Variants in RPH3AL observed in about 807,000 individuals in gnomAD.
RPH3AL encodes the protein rab effector Noc2.
Under a neutral mutation model 43.1 loss-of-function variants are expected in RPH3AL, and 38 were observed. That is an observed-to-expected ratio of 0.88 (90% CI 0.68 to 1.15). The LOEUF (loss-of-function observed/expected upper bound fraction) is 1.15. Ranked by LOEUF, RPH3AL falls within the 50% of genes most tolerant of loss-of-function variation. The probability of loss-of-function intolerance (pLI) is 0.00; values close to 1 mark genes in which losing one functional copy is unlikely to be tolerated. For synonymous variants in RPH3AL, 189 were observed against 176.3 expected (o/e 1.07, Z -0.57); for missense variants, 462 against 423.2 (o/e 1.09, Z -0.81).
rs2042267342 is a variant in RPH3AL at position 264,264 on chromosome 17, AC to A, written c.439-16980del. Among the ~76,000 whole-genome samples, 1 of 150,826 alleles carries A rather than the reference AC, an allele frequency of 6.6e-6. No homozygotes were observed. The highest frequency in any genetic ancestry group is 2.5e-5 in the African/African-American group (1 of 40,500). ...CAAAGTTCTGGCTGACAGCAGGATT[AC>A]CCTTCGGAGCCGCGAGCGCTGGATG... On this transcript the variant is annotated intron_variant, in intron 6 of 9. Transcript: ENST00000331302. This position sits in a 1 kb window ranked among gnomAD's most constrained non-coding sequence, Gnocchi z 4.8.
chr17:268,600 G>A (rs1283098335), intron 6 of RPH3AL, among the ~76,000 whole-genome samples: 1 of 104,216 alleles, frequency 9.6e-6, no homozygotes, highest in Non-Finnish European at 1.7e-5. Flanking sequence ...TCACGCTGTT[G>A]CCCAGGCTGA....
intron 5 of RPH3AL, among the ~76,000 whole-genome samples, chr17:307,226 G>A (rs1197900858): frequency 1.5e-4 from 4 of 25,820 alleles, no homozygotes; most frequent in Non-Finnish European, 2.1e-4. Context: ...CCCACGGCAG[G>A]TCCATCCCAC....
At chr17:280,048 A>G (rs146515458) in intron 6 of RPH3AL, among the ~76,000 whole-genome samples, 2 of 152,380 alleles carry the variant, frequency 1.3e-5, no homozygotes, top group African/African-American at 4.8e-5. Flanking sequence ...CGGAAGTGAT[A>G]GAGGAAAATA....
At position 333,010 on chromosome 17, in the gene RPH3AL, A is replaced by G. The variant is rs1386152267; in HGVS notation, c.-37+749T>C. The G allele has an allele frequency of 7.8e-7, 1 of 1,286,984 alleles. No individual in the cohort carries two copies. The highest frequency in any genetic ancestry group is 1.2e-5 in the South Asian group (1 of 80,978). 79.7% of individuals were successfully genotyped at this position (1,286,984 alleles called of 1,614,324 possible). A position where few individuals can be genotyped will look rare whatever the true frequency, so the allele number is the denominator to read the frequency against. The stretch of plus-strand genomic sequence containing the variant: ...TAGGGGACAGAGGCTCATCAGCCCC[A>G]GGCAACTTCCTGAGACAGATCGGTA... On this transcript the variant is annotated intron_variant, in intron 2 of 9. Transcript: ENST00000331302. The surrounding 1 kb of genome is among the most constrained non-coding windows in gnomAD (Gnocchi z 4.5).
At position 297,123 on chromosome 17, in the gene RPH3AL, C is replaced by T. The variant is rs996986211; in HGVS notation, c.352-15269G>A. On this transcript the variant is annotated intron_variant, in intron 5 of 9. Coordinates refer to ENST00000331302, the MANE Select transcript of RPH3AL (RefSeq NM_006987.4). ...AAGACTCCACAAAAACCCAAGACGT[C>T]GGGGCTTGGGGCGATTCCAGATATA... is the stretch of plus-strand genomic sequence containing the variant. Among the ~76,000 whole-genome samples, 14 of 152,280 alleles carry T rather than the reference C, an allele frequency of 9.2e-5. No homozygotes were observed. The Middle Eastern group carries it at 0.017, about 185-fold the overall frequency.
chr17:327,389 A>G (rs535849961), intron 3 of RPH3AL, 78 bp downstream of exon 3: 74 of 1,291,158 alleles, frequency 5.7e-5, no homozygotes. Context: ...GGCCCCTGGG[A>G]ATGAATCTTG....
At chr17:280,010 G>A (rs1423859506) in intron 6 of RPH3AL, among the ~76,000 whole-genome samples, 1 of 152,230 alleles carries the variant, frequency 6.6e-6, no homozygotes, top group Non-Finnish European at 1.5e-5. Context: ...GTGAGGCCCT[G>A]CCTGCAGCTT....
chr17:237,092 T>G lies in RPH3AL; in HGVS notation c.613+10019A>C, dbSNP rs1188046106. Among the ~76,000 whole-genome samples the G allele has an allele frequency of 2.6e-5, 4 of 151,904 alleles. No individual in the cohort carries two copies. The East Asian group carries it at 7.7e-4, about 29-fold the overall frequency. On this transcript the variant is annotated intron_variant, in intron 7 of 9. Coordinates refer to ENST00000331302, the MANE Select transcript of RPH3AL (RefSeq NM_006987.4). ...GACTCAGCTCTTCCCGGAAGACAGG[T>G]AGAGGGCGTGGGGTGGGGGCGGCAG... is the stretch of plus-strand genomic sequence containing the variant.
intron 1 of RPH3AL, among the ~76,000 whole-genome samples, chr17:343,501 C>T (rs551239968): frequency 2.6e-5 from 4 of 152,294 alleles, no homozygotes; most frequent in South Asian, 4.1e-4. Context: ...GGCTCAGGGT[C>T]GCGTATCTGA....
intron 8 of RPH3AL, among the ~76,000 whole-genome samples, chr17:217,375 GA>G (rs144110780): frequency 0.043 from 2,932 of 67,662 alleles, 481 homozygotes; most frequent in South Asian, 0.18. Flanking sequence ...CTGAAATCAG[GA>G]CCCCCAAGGC....
intron 6 of RPH3AL, among the ~76,000 whole-genome samples, chr17:253,773 AGCCGCACGGC>A: frequency 8.8e-6 from 1 of 113,454 alleles, no homozygotes; most frequent in Non-Finnish European, 1.9e-5. Flanking sequence ...CTATGAGGGG[AGCCGCACGGC>A]GTCTGTCCTT....
chr17:273,901 T>C (rs965287289), intron 6 of RPH3AL, among the ~76,000 whole-genome samples: 1 of 152,164 alleles, frequency 6.6e-6, no homozygotes, highest in African/African-American at 2.4e-5. Context: ...AAAATTGGTC[T>C]TCTTCACCCC....
intron 1 of RPH3AL, among the ~76,000 whole-genome samples, chr17:351,090 C>T (rs1327838529): frequency 6.6e-6 from 1 of 152,176 alleles, no homozygotes; most frequent in Non-Finnish European, 1.5e-5. Flanking sequence ...CCCACGGCCT[C>T]CCCACAGAGG....
chr17:226,806 T>A (rs188019030), intron 7 of RPH3AL, among the ~76,000 whole-genome samples: 19 of 152,332 alleles, frequency 1.2e-4, no homozygotes, highest in Admixed American at 5.2e-4. Context: ...CCAGGTCTAT[T>A]CACAAAGATT....
Position 333,461 on chromosome 17 carries a change from T to G in RPH3AL, c.-37+298A>C, listed in dbSNP as rs1347848026. ...CTTACTGCATACGCTGCTTGCTGGT[T>G]TCTAAATAAAATTGGGTTCTTACTA... On this transcript the variant is annotated intron_variant, in intron 2 of 9. Transcript: ENST00000331302. This position sits in a 1 kb window ranked among gnomAD's most constrained non-coding sequence, Gnocchi z 4.5. 2 of 440,590 alleles carry G rather than the reference T, an allele frequency of 4.5e-6. No homozygotes were observed. Among genetic ancestry groups the G allele is most frequent in the East Asian group, 1.5e-4 (2 of 13,766 alleles). The allele number at this position is 440,590 out of a possible 1,614,324, so 27.3% of individuals were successfully genotyped here.
chr17:220,169 A>G (rs1298842299), intron 7 of RPH3AL, among the ~76,000 whole-genome samples: 1 of 152,062 alleles, frequency 6.6e-6, no homozygotes, highest in Non-Finnish European at 1.5e-5. Flanking sequence ...TCACTGAGAC[A>G]ATAGACCCAA....
At chr17:220,094 A>G (rs994368850) in intron 7 of RPH3AL, among the ~76,000 whole-genome samples, 2 of 152,222 alleles carry the variant, frequency 1.3e-5, no homozygotes, top group Non-Finnish European at 2.9e-5. Flanking sequence ...ATGCAGGCAC[A>G]ACAGATCTGA....
chr17:352,498 G>C (rs2045373871), intron 1 of RPH3AL: 1 of 151,968 alleles, frequency 6.6e-6, no homozygotes, highest in Non-Finnish European at 1.5e-5. Flanking sequence ...AGCCCCGGCT[G>C]CCTCTTCTTT....
At chr17:314,272 G>T (rs936762417) in intron 5 of RPH3AL, among the ~76,000 whole-genome samples, 1 of 152,166 alleles carries the variant, frequency 6.6e-6, no homozygotes, top group African/African-American at 2.4e-5. Context: ...CCTCTCCACA[G>T]GCCCCTATAC....
Sources: allele counts gnomAD v4.1 joint callset (sites outside exome capture counted in the v4.1 genomes callset), GRCh38; gene constraint gnomAD v4.1.1; non-coding constraint Gnocchi (gnomAD v3.1); transcripts MANE v1.5; gene names NCBI Gene and HGNC (gene_info 2026-07-23, HGNC 2026-07-21).